The following CTNNA3 variants were observed in gnomAD, a reference collection of about 807,000 sequenced individuals.
CTNNA3 encodes the protein catenin alpha 3.
In CTNNA3, 76 loss-of-function variants were observed where a neutral mutation model predicts 95.7. That is an observed-to-expected ratio of 0.79 (90% confidence interval 0.66 to 0.96). CTNNA3 has a LOEUF of 0.96. Ranked by LOEUF, CTNNA3 falls within the 40% of genes least tolerant of loss-of-function variation. The pLI is 0.00. For synonymous variants in CTNNA3, 431 were observed against 374.4 expected, an observed-to-expected ratio of 1.15 and a Z score of -1.74; for missense variants, 1,191 against 1,089.8, an observed-to-expected ratio of 1.09 and a Z score of -1.31.
chr10:66,226,493 C>G (rs1383028686), intron 13 of CTNNA3, among the ~76,000 whole-genome samples: 1 of 151,370 alleles, frequency 6.6e-6, no homozygotes, highest in Non-Finnish European at 1.5e-5. Flanking sequence ...TATTATGCCT[C>G]TAGCTTTATT....
intron 5 of CTNNA3, among the ~76,000 whole-genome samples, chr10:67,445,395 A>T (rs193097064): frequency 2.1e-3 from 275 of 131,060 alleles, no homozygotes; most frequent in African/African-American, 7.7e-3. Flanking sequence ...TAAATGCATT[A>T]AAAAAAAAAA....
intron 7 of CTNNA3, among the ~76,000 whole-genome samples, chr10:66,947,151 C>A (rs7916590): frequency 4.6e-5 from 7 of 152,020 alleles, no homozygotes; most frequent in East Asian, 3.9e-4. Flanking sequence ...AAAAAACTTG[C>A]ATAAACTACT....
chr10:67,522,596 A>G (rs1840021220), intron 4 of CTNNA3, among the ~76,000 whole-genome samples: 1 of 151,998 alleles, frequency 6.6e-6, no homozygotes, highest in Non-Finnish European at 1.5e-5. Flanking sequence ...CAGATGAGCT[A>G]TGAGCAGATG....
At chr10:67,293,702 TC>T (rs1839924726) in intron 5 of CTNNA3, among the ~76,000 whole-genome samples, 2 of 126,508 alleles carry the variant, frequency 1.6e-5, no homozygotes, top group Non-Finnish European at 3.1e-5. Context: ...GTGTGTGATG[TC>T]CCCCTTCCTG....
rs183196832 is a variant in CTNNA3, at chr10:67,138,541, G to A, written c.1047+41776C>T. On this transcript the variant is annotated intron_variant, in intron 7 of 17. Transcript: ENST00000433211. The stretch of plus-strand genomic sequence containing the variant: ...TTTATTTTCTCTCTTCTGAAACAAT[G>A]GCTAATAAGTGCCCAGCACTGTCCC... Among the ~76,000 whole-genome samples the A allele has an allele frequency of 3.3e-3, 499 of 152,184 alleles. 4 individuals carry two copies. Among genetic ancestry groups the A allele is most frequent in the African/African-American group, 0.011 (476 of 41,528 alleles).
intron 11 of CTNNA3, among the ~76,000 whole-genome samples, chr10:66,390,910 C>T (rs1442404906): frequency 1.3e-5 from 2 of 152,104 alleles, no homozygotes; most frequent in African/African-American, 4.8e-5. Flanking sequence ...ATCCTTTCTT[C>T]TGTCTCTTCT....
chr10:67,398,087 T>A (rs1251895084), intron 5 of CTNNA3, among the ~76,000 whole-genome samples: 1 of 152,176 alleles, frequency 6.6e-6, no homozygotes, highest in Non-Finnish European at 1.5e-5. Flanking sequence ...TGGGGCACTG[T>A]CAAATGGAGT....
At chr10:66,656,427 G>T (rs962922445) in intron 9 of CTNNA3, among the ~76,000 whole-genome samples, 2 of 152,078 alleles carry the variant, frequency 1.3e-5, no homozygotes, top group African/African-American at 4.8e-5. Flanking sequence ...GTAGCCATGA[G>T]AAATACAGGT....
At chr10:67,299,807 A>T (rs1231174193) in intron 5 of CTNNA3, among the ~76,000 whole-genome samples, 1 of 152,200 alleles carries the variant, frequency 6.6e-6, no homozygotes, top group Non-Finnish European at 1.5e-5. Flanking sequence ...CCTTTTCCTC[A>T]ATTGAAAGGA....
intron 4 of CTNNA3, among the ~76,000 whole-genome samples, chr10:67,534,526 T>C (rs139313329): frequency 3.3e-4 from 51 of 152,304 alleles, no homozygotes; most frequent in African/African-American, 1.2e-3. Flanking sequence ...AATGAGATTT[T>C]GAAGATTTCG....
At position 66,559,006 on chromosome 10, in the gene CTNNA3, C is replaced by G. The variant is rs539070335; in HGVS notation, c.1375-38233G>C. On this transcript the variant is annotated intron_variant, in intron 10 of 17. Transcript: ENST00000433211. Reference sequence around the variant, plus strand: ...ATCTGTTCCATAAATCAGTAAATGGCATCATCATCTACCTATGTGAGCAAA... The same window carrying G: ...ATCTGTTCCATAAATCAGTAAATGGGATCATCATCTACCTATGTGAGCAAA... Among the ~76,000 whole-genome samples the G allele has an allele frequency of 1.6e-4, 25 of 152,174 alleles. No individual in the cohort carries two copies. In the South Asian group the frequency reaches 5.0e-3, roughly 30 times the overall value.
chr10:66,556,518 TA>T (rs1307058212), intron 10 of CTNNA3, among the ~76,000 whole-genome samples: 1 of 152,054 alleles, frequency 6.6e-6, no homozygotes, highest in African/African-American at 2.4e-5. Context: ...ATATCATATA[TA>T]TATACACACA....
chr10:67,600,810 T>C (rs746812348), intron 3 of CTNNA3, among the ~76,000 whole-genome samples: 1 of 152,216 alleles, frequency 6.6e-6, no homozygotes, highest in Non-Finnish European at 1.5e-5. Flanking sequence ...AATTCAAATG[T>C]TCATCAGCAA....
At chr10:66,725,230 G>A (rs1848744096) in intron 9 of CTNNA3, among the ~76,000 whole-genome samples, 1 of 152,062 alleles carries the variant, frequency 6.6e-6, no homozygotes, top group Non-Finnish European at 1.5e-5. Flanking sequence ...ACATGGATAT[G>A]GAACCCATAG....
rs370300886 is a variant in CTNNA3 at position 67,219,910 on chromosome 10, T to C, written c.580-40A>G. The C allele has an allele frequency of 5.8e-5, 86 of 1,485,126 alleles. No individual in the cohort carries two copies. The African/African-American group carries it at 1.2e-3, about 20-fold the overall frequency. The allele number at this position is 1,485,126 out of a possible 1,614,324, so 92.0% of individuals were successfully genotyped here. ...AAAAAGAGTGGTATCTTACAATGGG[T>C]TATGGGAGAAAGACTTAAATTAAAA... On this transcript the variant is annotated intron_variant, in intron 5 of 17. Transcript: ENST00000433211.
chr10:67,501,079 G>A (rs1180530536), intron 5 of CTNNA3, among the ~76,000 whole-genome samples: 1 of 152,168 alleles, frequency 6.6e-6, no homozygotes, highest in South Asian at 2.1e-4. Context: ...TTACAATTTG[G>A]TATGTTTTTG....
intron 16 of CTNNA3, among the ~76,000 whole-genome samples, chr10:65,972,906 A>AGGG (rs1564550259): frequency 1.2e-4 from 13 of 112,582 alleles, no homozygotes; most frequent in African/African-American, 4.1e-4. Flanking sequence ...CTAAGGGGGA[A>AGGG]AAAAAAAAAA....
At chr10:67,468,144 T>G (rs1013046716) in intron 5 of CTNNA3, among the ~76,000 whole-genome samples, 2 of 152,084 alleles carry the variant, frequency 1.3e-5, no homozygotes, top group Non-Finnish European at 2.9e-5. Context: ...TTCAGCCTAG[T>G]ACCCGTTGGT....
intron 5 of CTNNA3, among the ~76,000 whole-genome samples, chr10:67,263,508 C>A (rs1460508513): frequency 6.6e-6 from 1 of 152,082 alleles, no homozygotes; most frequent in Non-Finnish European, 1.5e-5. Context: ...TCATTTGTTA[C>A]AAGCACCTAT....
Sources: allele counts gnomAD v4.1 joint callset (sites outside exome capture counted in the v4.1 genomes callset), GRCh38; gene constraint gnomAD v4.1.1; transcripts MANE v1.5; gene names NCBI Gene and HGNC (gene_info 2026-07-23, HGNC 2026-07-21).